Variants in PARP2 observed in about 807,000 individuals in gnomAD.
PARP2 encodes the protein poly [ADP-ribose] polymerase 2.
PARP2 carries 57 observed loss-of-function variants against 77.8 expected under a neutral mutation model. That is an observed-to-expected ratio of 0.73 (90% confidence interval 0.59 to 0.91). The LOEUF (loss-of-function observed/expected upper bound fraction) is 0.91. Among genes scored for constraint, PARP2 ranks in the 40% least tolerant of loss-of-function variants. PARP2 has a pLI of 0.00. For missense variants in PARP2, 651 were observed against 689.0 expected (o/e 0.94, Z 0.62); for synonymous variants, 226 against 242.6 (o/e 0.93, Z 0.64).
chr14:20,357,848 C>T lies in PARP2; in HGVS notation c.*51C>T. 1 of 1,512,458 alleles carries T rather than the reference C, an allele frequency of 6.6e-7. No individual in the cohort carries two copies. Among genetic ancestry groups the T allele is most frequent in the Non-Finnish European group, 9.1e-7 (1 of 1,102,530 alleles). 93.7% of individuals were successfully genotyped at this position (1,512,458 alleles called of 1,614,324 possible). On this transcript the variant is annotated 3_prime_UTR_variant, in exon 16 of 16. Coordinates refer to ENST00000429687, the MANE Select transcript of PARP2 (RefSeq NM_001042618.2). Reference sequence around the variant, plus strand: ...TCTGATCTTCAAGCAAGAAAATAAGCAGTGTTGTACTTGTGAATTTTGTGA... The same window carrying T: ...TCTGATCTTCAAGCAAGAAAATAAGTAGTGTTGTACTTGTGAATTTTGTGA...
In PARP2 at chr14:20,354,901, A is replaced by G. The variant is rs143908458; in HGVS notation, c.856A>G (p.Met286Val). 9.3e-6 allele frequency: 15 copies of G among 1,613,996 alleles called. No individual in the cohort carries two copies. The highest frequency in any genetic ancestry group is 3.3e-4 in the Middle Eastern group (2 of 6,062). ...GGCTGGCCAGCATGGACGAGCTCTC[A>G]TGGAAGCATGCAATGAATTCTACAC... ...IRAGQHGRAL[M>V]EACNEFYTRI... The change falls in exon 9 of 16, where the codon ATG becomes GTG. Residue 286 changes from methionine to valine, a missense_variant. Coordinates refer to ENST00000429687, the MANE Select transcript of PARP2 (RefSeq NM_001042618.2).
At chr14:20,349,164 C>G (rs1883872086) in intron 4 of PARP2, among the ~76,000 whole-genome samples, 1 of 151,790 alleles carries the variant, frequency 6.6e-6, no homozygotes, top group Non-Finnish European at 1.5e-5. Context: ...ATGGTGAAAC[C>G]TTGTCTCTAC....
Position 20,345,003 on chromosome 14 carries a change from C to G in PARP2, c.118C>G (p.Arg40Gly), listed in dbSNP as rs780728837. Residue 40 changes from arginine (R) to glycine (G), a missense_variant, in exon 2 of 16, where the codon CGT (arginine) becomes GGT (glycine). Coordinates refer to ENST00000429687, the MANE Select transcript of PARP2 (RefSeq NM_001042618.2). The stretch of plus-strand genomic sequence containing the variant: ...AGACTCTTCCCCTGCCAAGAAAACT[C>G]GTAGATGCCAGAGACAGGAGTCGAA... The part of the protein sequence containing the change: ...PEDSSPAKKT[R>G]RCQRQESKKM... The G allele has an allele frequency of 1.2e-6, 2 of 1,613,782 alleles. No homozygotes were observed. The highest frequency in any genetic ancestry group is 8.5e-7 in the Non-Finnish European group (1 of 1,179,786).
In PARP2 at chr14:20,344,958, A is replaced by AATGG. The variant is rs774266943; in HGVS notation, c.74_77dup (p.Asn27TrpfsTer16). The AATGG allele has an allele frequency of 1.2e-6, 2 of 1,613,982 alleles. No individual in the cohort carries two copies. Among genetic ancestry groups the AATGG allele is most frequent in the Non-Finnish European group, 1.7e-6 (2 of 1,179,894 alleles). ...ATTAAATGAAAGCAAAAGAGTTAAT[A>AATGG]ATGGCAACACGGCTCCAGAAGACTC... On this transcript the variant is annotated frameshift_variant, in exon 2 of 16. Transcript: ENST00000429687. LOFTEE classifies it high-confidence loss of function.
rs780397138 is a variant in PARP2, at chr14:20,354,071, GTTT to G, written c.601-10_601-8del. 1 of 1,603,368 alleles carries G rather than the reference GTTT, an allele frequency of 6.2e-7. No individual in the cohort carries two copies. Among genetic ancestry groups the G allele is most frequent in the Non-Finnish European group, 8.5e-7 (1 of 1,171,534 alleles). On this transcript the variant is annotated splice_polypyrimidine_tract_variant and intron_variant, in intron 7 of 15. Transcript: ENST00000429687. ...TCTTAGATTGTCTTGTGTTTTGTTT[GTTT>G]TTTGCTATAGGATGAAGAGGAAACA...
chr14:20,354,694 TAAAAAC>T (rs1215817189), intron 8 of PARP2, 109 bp from the exon 9 acceptor site: 5 of 1,096,426 alleles, frequency 4.6e-6, no homozygotes, highest in Non-Finnish European at 6.6e-6. Flanking sequence ...GACCCCATCT[TAAAAAC>T]AGGAAAAAAA....
chr14:20,345,366 A>G (rs1404271319), intron 2 of PARP2, 28 bp from the exon 3 acceptor site: 1 of 1,582,588 alleles, frequency 6.3e-7, no homozygotes, highest in African/African-American at 1.4e-5. Context: ...TGATTCCCAT[A>G]AAGTAGTACC....
Position 20,354,844 on chromosome 14 carries a change from C to T in PARP2, c.799C>T (p.Gln267Ter). The T allele has an allele frequency of 6.2e-7, 1 of 1,613,786 alleles. No individual in the cohort carries two copies. The highest frequency in any genetic ancestry group is 8.5e-7 in the Non-Finnish European group (1 of 1,179,904). ...AGTGGCACAAATCAAGGCAGGTTAC[C>T]AGTCTCTTAAGAAGATTGAGGATTG... is the stretch of plus-strand genomic sequence containing the variant. ...LTVAQIKAGYQSLKKIEDCIR... is the reference protein window; with the variant it reads ...LTVAQIKAGY The change falls in exon 9 of 16, where the codon CAG becomes TAG. Residue 267 changes from glutamine to a stop codon, truncating the protein, a stop_gained. Coordinates refer to ENST00000429687, the MANE Select transcript of PARP2 (RefSeq NM_001042618.2). LOFTEE classifies it high-confidence loss of function.
At chr14:20,351,564 C>G (rs1461288165) in intron 6 of PARP2, among the ~76,000 whole-genome samples, 1 of 152,170 alleles carries the variant, frequency 6.6e-6, no homozygotes, top group Non-Finnish European at 1.5e-5. Flanking sequence ...TGTCTTTTCA[C>G]CCTGACATTC....
At chr14:20,356,988 A>T in intron 13 of PARP2, 63 bp from the exon 14 acceptor site, 1 of 1,000,244 alleles carries the variant, frequency 1.0e-6, no homozygotes, top group Non-Finnish European at 1.6e-6. Flanking sequence ...GGTCAGTGGT[A>T]TGCACCTTCT....
intron 7 of PARP2, chr14:20,352,663 C>G (rs1327580105): frequency 4.7e-6 from 1 of 211,930 alleles, no homozygotes; most frequent in Non-Finnish European, 9.3e-6. Flanking sequence ...CCTGAGATTA[C>G]AAGCATGAGG....
At chr14:20,346,146 C>CCAT (rs1883709701) in intron 3 of PARP2, among the ~76,000 whole-genome samples, 1 of 152,032 alleles carries the variant, frequency 6.6e-6, no homozygotes, top group African/African-American at 2.4e-5. Flanking sequence ...TTTGTGGTTG[C>CCAT]CATCAGCCTT....
chr14:20,353,836 T>C (rs1594301921), intron 7 of PARP2, among the ~76,000 whole-genome samples: 1 of 152,044 alleles, frequency 6.6e-6, no homozygotes, highest in Non-Finnish European at 1.5e-5. Context: ...AGTTGTAAAA[T>C]GTGGGAGGCA....
rs760883631 is a variant in PARP2 at position 20,356,023 on chromosome 14, G to A, written c.1093G>A (p.Glu365Lys). The A allele has an allele frequency of 1.1e-5, 17 of 1,613,602 alleles. No homozygotes were observed. Among genetic ancestry groups the A allele is most frequent in the East Asian group, 4.5e-5 (2 of 44,858 alleles). Residue 365 changes from glutamate (E) to lysine (K), a missense_variant, in exon 11 of 16, where the codon GAG becomes AAG. Physicochemically the swap from Glu to Lys is moderately conservative, Grantham distance 56. Coordinates refer to ENST00000429687, the MANE Select transcript of PARP2 (RefSeq NM_001042618.2). ...ALRPLDHESY[E>K]FKVISQYLQS... is the part of the protein sequence containing the mutation. ...GCGCCCCCTTGACCATGAAAGTTAT[G>A]AGTTCAAAGTAAGAAAAATGATCAT...
chr14:20,351,045 A>C lies in PARP2; in HGVS notation c.422-2A>C. The C allele has an allele frequency of 6.2e-7, 1 of 1,612,978 alleles. No individual in the cohort carries two copies. The highest frequency in any genetic ancestry group is 8.5e-7 in the Non-Finnish European group (1 of 1,179,054). On this transcript the variant is annotated splice_acceptor_variant, in intron 5 of 15. Coordinates refer to ENST00000429687, the MANE Select transcript of PARP2 (RefSeq NM_001042618.2). LOFTEE classifies it high-confidence loss of function. Reference sequence around the variant, plus strand: ...ATCTTATGTGTGGCATTTCCTTTGCAGTTGGGAAAATGGGACAGCACAGCC... The same window carrying C: ...ATCTTATGTGTGGCATTTCCTTTGCCGTTGGGAAAATGGGACAGCACAGCC...
chr14:20,356,869 C>T (rs1884174017), intron 13 of PARP2, 180 bp downstream of exon 13: 1 of 676,198 alleles, frequency 1.5e-6, no homozygotes, highest in Non-Finnish European at 2.6e-6. Context: ...GATACCTCAC[C>T]TTTCCCTCAG....
At chr14:20,347,827 T>C (rs1333275774) in intron 4 of PARP2, among the ~76,000 whole-genome samples, 2 of 151,820 alleles carry the variant, frequency 1.3e-5, no homozygotes, top group Admixed American at 6.6e-5. Flanking sequence ...AAATTTCATA[T>C]CATTTATTGA....
intron 3 of PARP2, 118 bp from the exon 4 acceptor site, chr14:20,346,745 T>C: frequency 1.4e-6 from 1 of 692,920 alleles, no homozygotes; most frequent in South Asian, 1.6e-5. Context: ...CCTTGGGAGA[T>C]GAATGTTGAT....
At chr14:20,357,600 A>G (rs746537934) in intron 15 of PARP2, 38 bp from the exon 16 acceptor site, 1 of 1,607,896 alleles carries the variant, frequency 6.2e-7, no homozygotes, top group African/African-American at 1.3e-5. Context: ...CTTCTGAACC[A>G]GAGACTGATG....
Sources: allele counts gnomAD v4.1 joint callset (sites outside exome capture counted in the v4.1 genomes callset), GRCh38; gene constraint gnomAD v4.1.1; transcripts MANE v1.5; gene names NCBI Gene and HGNC (gene_info 2026-07-23, HGNC 2026-07-21).